FNDC7: variants seen among roughly 807,000 people sequenced by gnomAD.
FNDC7 encodes fibronectin type III domain containing 7, also known as fibronectin type III domain-containing protein 7.
FNDC7 carries 66 observed loss-of-function variants against 74.2 expected under a neutral mutation model. The ratio of observed to expected loss-of-function variants is 0.89; its 90% confidence interval spans 0.73 to 1.09. FNDC7 has a LOEUF of 1.09. Ranked by LOEUF, FNDC7 falls within the 50% of genes least tolerant of loss-of-function variation. The pLI is 0.00. For missense variants in FNDC7, 829 were observed against 893.4 expected (o/e 0.93, Z 0.92); for synonymous variants, 307 against 330.2 (o/e 0.93, Z 0.76).
chr1:108,716,430 G>A (rs1055962489), intron 2 of FNDC7, among the ~76,000 whole-genome samples: 6 of 151,196 alleles, frequency 4.0e-5, no homozygotes, highest in African/African-American at 7.3e-5. Flanking sequence ...GAGAGGGAGC[G>A]AAGCCCTTTC....
intron 2 of FNDC7, among the ~76,000 whole-genome samples, chr1:108,717,152 G>A (rs941555154): frequency 6.6e-6 from 1 of 152,234 alleles, no homozygotes; most frequent in Non-Finnish European, 1.5e-5. Context: ...TTGTATGGAA[G>A]AATCTGAGAA....
At chr1:108,727,388 C>T (rs2101083568) in intron 6 of FNDC7, among the ~76,000 whole-genome samples, 1 of 152,198 alleles carries the variant, frequency 6.6e-6, no homozygotes, top group South Asian at 2.1e-4. Flanking sequence ...GCCCTACCCC[C>T]CAGTTTTATT....
Position 108,713,661 on chromosome 1 carries a change from T to A in FNDC7, c.82+132T>A, listed in dbSNP as rs1660918807. The A allele has an allele frequency of 4.0e-6, 3 of 743,874 alleles. No homozygotes were observed. In the South Asian group the frequency reaches 5.7e-5, roughly 14 times the overall value. The allele number at this position is 743,874 out of a possible 1,614,324, so 46.1% of individuals were successfully genotyped here. ...TTCAATATTTTCTGAGCACTCACAC[T>A]GGGTGCTAAGCACTCTATTGGGTCC... On this transcript the variant is annotated intron_variant, in intron 2 of 12. Transcript: ENST00000370017.
At chr1:108,728,191 C>A in intron 7 of FNDC7, 126 bp downstream of exon 7, 2 of 1,177,728 alleles carry the variant, frequency 1.7e-6, no homozygotes, top group Non-Finnish European at 2.4e-6. Flanking sequence ...TTGTGGAGAC[C>A]AAGAGAGCCC....
intron 6 of FNDC7, among the ~76,000 whole-genome samples, chr1:108,727,338 A>C (rs1661241374): frequency 7.1e-6 from 1 of 141,362 alleles, no homozygotes; most frequent in African/African-American, 2.5e-5. Flanking sequence ...GAAAAAACAA[A>C]ACAACAACAA....
chr1:108,721,551 G>A (rs1661092544), intron 4 of FNDC7, among the ~76,000 whole-genome samples: 1 of 152,172 alleles, frequency 6.6e-6, no homozygotes, highest in African/African-American at 2.4e-5. Flanking sequence ...GACTGTTTAA[G>A]CAGTTTCCTA....
intron 8 of FNDC7, among the ~76,000 whole-genome samples, chr1:108,729,741 G>A (rs1176051204): frequency 6.6e-6 from 1 of 152,128 alleles, no homozygotes. Context: ...ATGAAACGTG[G>A]CAAATCACTT....
At chr1:108,724,582 C>T (rs1031350566) in intron 5 of FNDC7, among the ~76,000 whole-genome samples, 13 of 150,732 alleles carry the variant, frequency 8.6e-5, no homozygotes, top group Non-Finnish European at 1.3e-4. Context: ...GGCTAGACCC[C>T]GTCTCTACAA....
At chr1:108,730,038 G>C (rs1157081250) in intron 8 of FNDC7, among the ~76,000 whole-genome samples, 1 of 152,224 alleles carries the variant, frequency 6.6e-6, no homozygotes, top group African/African-American at 2.4e-5. Context: ...GAAATGTTCT[G>C]TTGGGAGAAG....
rs1271623936 is a variant in FNDC7 at position 108,717,792 on chromosome 1, C to T, written c.98C>T (p.Thr33Ile). The T allele has an allele frequency of 1.3e-6, 2 of 1,551,730 alleles. No individual in the cohort carries two copies. Among genetic ancestry groups the T allele is most frequent in the Admixed American group, 3.9e-5 (2 of 51,010 alleles). The change falls in exon 3 of 13, where the codon ACT becomes ATT. Residue 33 changes from threonine (T) to isoleucine (I), a missense_variant. Physicochemically the swap from Thr to Ile is moderately conservative, Grantham distance 89. Transcript: ENST00000370017. ...CCTCTTTCAGCTCCTGAAATACCCA[C>T]TATTGATCAGGCATATTCAAAACTC... Reference protein sequence around the residue: ...ASAKSAPEIPTIDQAYSKLSN... With the variant: ...ASAKSAPEIPIIDQAYSKLSN...
Position 108,735,291 on chromosome 1 carries a change from C to T in FNDC7, c.2140+1759C>T, listed in dbSNP as rs768846622. Among the ~76,000 whole-genome samples the T allele has an allele frequency of 1.4e-4, 22 of 152,224 alleles. 1 individual carries two copies. The highest frequency in any genetic ancestry group is 2.5e-4 in the Non-Finnish European group (17 of 68,050). Reference sequence around the variant, plus strand: ...TCACCACCTCTCCCCTAGACTACTGCACCAGTCCCATCTCCCTGTCCTCAC... The same window carrying T: ...TCACCACCTCTCCCCTAGACTACTGTACCAGTCCCATCTCCCTGTCCTCAC... On this transcript the variant is annotated intron_variant, in intron 10 of 12. Coordinates refer to ENST00000370017, the MANE Select transcript of FNDC7 (RefSeq NM_001144937.3).
intron 11 of FNDC7, among the ~76,000 whole-genome samples, chr1:108,741,436 C>T (rs1430662437): frequency 6.6e-6 from 1 of 152,142 alleles, no homozygotes; most frequent in South Asian, 2.1e-4. Flanking sequence ...ATAAAACTCC[C>T]TGAGTCATTA....
chr1:108,738,286 C>T (rs895747611), intron 11 of FNDC7, among the ~76,000 whole-genome samples: 2 of 152,078 alleles, frequency 1.3e-5, no homozygotes, highest in African/African-American at 4.8e-5. Flanking sequence ...TAAAGAGAAC[C>T]CTCACTGCCT....
chr1:108,713,269 G>GA (rs1248661588), intron 1 of FNDC7, among the ~76,000 whole-genome samples: 1 of 152,008 alleles, frequency 6.6e-6, no homozygotes, highest in Admixed American at 6.6e-5. Flanking sequence ...ATTCAAAGGG[G>GA]AAAAAAATGA....
At chr1:108,713,610 T>C (rs1570721189) in intron 2 of FNDC7, 81 bp downstream of exon 2, 1 of 1,285,660 alleles carries the variant, frequency 7.8e-7, no homozygotes, top group East Asian at 2.5e-5. Flanking sequence ...TACCCTGAAA[T>C]CTAAAGGCTA....
At chr1:108,715,654 C>CACGT (rs1557785836) in intron 2 of FNDC7, among the ~76,000 whole-genome samples, 2 of 87,612 alleles carry the variant, frequency 2.3e-5, no homozygotes, top group Non-Finnish European at 5.3e-5. Flanking sequence ...CACAAACATG[C>CACGT]GCGTGCGTGC....
chr1:108,717,436 A>G (rs1233523923), intron 2 of FNDC7, among the ~76,000 whole-genome samples: 3 of 121,134 alleles, frequency 2.5e-5, no homozygotes, highest in African/African-American at 7.7e-5. Context: ...TCTGGAAGAA[A>G]GCCTCTCAAT....
chr1:108,721,577 G>A (rs950141363), intron 4 of FNDC7, among the ~76,000 whole-genome samples: 7 of 152,186 alleles, frequency 4.6e-5, no homozygotes, highest in African/African-American at 1.7e-4. Flanking sequence ...TGCTGCGTGG[G>A]CGTTATTACA....
intron 10 of FNDC7, among the ~76,000 whole-genome samples, chr1:108,736,863 A>T (rs1326047380): frequency 6.6e-6 from 1 of 152,202 alleles, no homozygotes; most frequent in Non-Finnish European, 1.5e-5. Flanking sequence ...GTAAATGACA[A>T]TAACGACTAA....
Sources: gnomAD v4.1 joint callset for allele counts (sites outside exome capture counted in the v4.1 genomes callset) on GRCh38, gnomAD v4.1.1 for gene constraint, MANE v1.5 for transcripts, NCBI Gene and HGNC (gene_info 2026-07-23, HGNC 2026-07-21) for gene names.